CDHR1: variants seen among roughly 807,000 people sequenced by gnomAD.
The protein encoded by CDHR1 is cadherin related family member 1.
Under a neutral mutation model 72.1 loss-of-function variants are expected in CDHR1, and 61 were observed. That is an observed-to-expected ratio of 0.85 (90% confidence interval 0.69 to 1.05). The LOEUF (loss-of-function observed/expected upper bound fraction) is 1.05. CDHR1 is among the 50% of genes least tolerant of loss of function. CDHR1 has a pLI of 0.00. For missense variants in CDHR1, 1,186 were observed against 1,115.7 expected (o/e 1.06, Z -0.90); for synonymous variants, 470 against 448.1 (o/e 1.05, Z -0.62).
In CDHR1 at chr10:84,214,895, A is replaced by G; in HGVS notation, c.*274A>G. On this transcript the variant is annotated 3_prime_UTR_variant, in exon 17 of 17. Coordinates refer to ENST00000623527, the MANE Select transcript of CDHR1 (RefSeq NM_033100.4). ...TACTCAAATCCTTGGCACTACTACAATGCCCTCCATTCTTCAGGGCTGAGA... is the reference window on the plus strand; with the variant it reads ...TACTCAAATCCTTGGCACTACTACAGTGCCCTCCATTCTTCAGGGCTGAGA... The G allele has an allele frequency of 1.4e-6, 2 of 1,386,916 alleles. No homozygotes were observed. Among genetic ancestry groups the G allele is most frequent in the Non-Finnish European group, 1.9e-6 (2 of 1,070,358 alleles). 85.9% of individuals were successfully genotyped at this position (1,386,916 alleles called of 1,614,324 possible).
intron 12 of CDHR1, among the ~76,000 whole-genome samples, 191 bp from the exon 13 acceptor site, chr10:84,210,810 C>A (rs77285931): frequency 1.3e-5 from 2 of 152,130 alleles, no homozygotes; most frequent in Non-Finnish European, 2.9e-5. Context: ...GCATTACAAG[C>A]CAATTGACGG....
At chr10:84,208,099 T>A in intron 10 of CDHR1, 75 bp from the exon 11 acceptor site, 1 of 1,308,418 alleles carries the variant, frequency 7.6e-7, no homozygotes, top group Non-Finnish European at 1.1e-6. Context: ...TTATACATTC[T>A]GCAGGGGAGG....
chr10:84,199,172 C>T, intron 5 of CDHR1, 51 bp downstream of exon 5: 1 of 1,470,008 alleles, frequency 6.8e-7, no homozygotes, highest in South Asian at 1.2e-5. Flanking sequence ...GGCCCATAGC[C>T]TACCCCTGGG....
Position 84,215,020 on chromosome 10 carries a change from C to A in CDHR1, c.*399C>A. The A allele has an allele frequency of 3.5e-6, 4 of 1,127,592 alleles. No homozygotes were observed. The highest frequency in any genetic ancestry group is 4.4e-6 in the Non-Finnish European group (4 of 914,050). The allele number at this position is 1,127,592 out of a possible 1,614,324, so 69.8% of individuals were successfully genotyped here. ...TAGTCAAGCAGCAGGGCCCTGGCCACGTGGAGCAACACTGACTAGAATCTG... is the reference window on the plus strand; with the variant it reads ...TAGTCAAGCAGCAGGGCCCTGGCCAAGTGGAGCAACACTGACTAGAATCTG... On this transcript the variant is annotated 3_prime_UTR_variant, in exon 17 of 17. Transcript: ENST00000623527.
In CDHR1 at chr10:84,215,472, A is replaced by G; in HGVS notation, c.*851A>G. 1.0e-6 allele frequency: 1 copy of G among 983,740 alleles called. No individual in the cohort carries two copies. Among genetic ancestry groups the G allele is most frequent in the South Asian group, 4.7e-5 (1 of 21,246 alleles). The allele number at this position is 983,740 out of a possible 1,614,324, so 60.9% of individuals were successfully genotyped here. On this transcript the variant is annotated 3_prime_UTR_variant, in exon 17 of 17. Coordinates refer to ENST00000623527, the MANE Select transcript of CDHR1 (RefSeq NM_033100.4). ...AGACAATTCAGGGCAGTTGATGAAT[A>G]TCAGGGCTGAGATGTGGTGAGACTT...
chr10:84,215,355 T>C lies in CDHR1; in HGVS notation c.*734T>C. 1.0e-6 allele frequency: 1 copy of C among 985,760 alleles called. No homozygotes were observed. The highest frequency in any genetic ancestry group is 1.7e-5 in the African/African-American group (1 of 57,336). The allele number at this position is 985,760 out of a possible 1,614,324, so 61.1% of individuals were successfully genotyped here. ...CAGGACTGCCCTGAGCCGCAAAATG[T>C]CAAAGCTGGAGCTATAGAGGTAGCC... is the stretch of plus-strand genomic sequence containing the variant. On this transcript the variant is annotated 3_prime_UTR_variant, in exon 17 of 17. Transcript: ENST00000623527.
chr10:84,198,560 C>A (rs1334604140), intron 4 of CDHR1, among the ~76,000 whole-genome samples: 2 of 152,228 alleles, frequency 1.3e-5, no homozygotes, highest in Non-Finnish European at 2.9e-5. Context: ...TTCCTTCTGG[C>A]AAACTGCCTC....
At position 84,199,070 on chromosome 10, in the gene CDHR1, T is replaced by G; in HGVS notation, c.387T>G (p.Asn129Lys). The G allele has an allele frequency of 6.4e-7, 1 of 1,551,656 alleles. No individual in the cohort carries two copies. The highest frequency in any genetic ancestry group is 8.7e-7 in the Non-Finnish European group (1 of 1,147,012). Residue 129 changes from asparagine to lysine, a missense_variant, in exon 5 of 17, where the codon AAT becomes AAG. Transcript: ENST00000623527. The stretch of plus-strand genomic sequence containing the variant: ...TCGTGATCCTGGTGACCGATGCCAA[T>G]GATGAGGCGCCCAGGTTCATCCAGG... The part of the protein sequence containing the change: ...EKVVILVTDA[N>K]DEAPRFIQEP...
chr10:84,202,875 C>A, intron 7 of CDHR1, 105 bp from the exon 8 acceptor site: 1 of 1,241,686 alleles, frequency 8.1e-7, no homozygotes, highest in Non-Finnish European at 1.2e-6. Flanking sequence ...GAGAGGACAG[C>A]TGGCCTCACA....
chr10:84,204,567 G>T lies in CDHR1; in HGVS notation c.824G>T (p.Arg275Leu). The change falls in exon 9 of 17, where the codon CGG (arginine) becomes CTG (leucine). Residue 275 changes from arginine to leucine, a missense_variant. Physicochemically the swap from Arg to Leu is moderately radical, Grantham distance 102 (BLOSUM62 -2). Transcript: ENST00000623527. The stretch of plus-strand genomic sequence containing the variant: ...AAGGTGGTCGCCATGGATGGAGACC[G>T]GGGCAAACCCAATCGAATTCTCTAC... ...VLKVVAMDGDRGKPNRILYSL... is the reference protein window; with the variant it reads ...VLKVVAMDGDLGKPNRILYSL... 6.2e-7 allele frequency: 1 copy of T among 1,613,716 alleles called. No individual in the cohort carries two copies. The highest frequency in any genetic ancestry group is 2.2e-5 in the East Asian group (1 of 44,872).
Position 84,208,766 on chromosome 10 carries a change from C to T in CDHR1, c.1205C>T (p.Pro402Leu). The T allele has an allele frequency of 6.2e-7, 1 of 1,614,160 alleles. No individual in the cohort carries two copies. The change falls in exon 12 of 17, where the codon CCC (proline) becomes CTC (leucine). Residue 402 changes from proline to leucine, a missense_variant. Transcript: ENST00000623527. ...NAKFNLQLVGPRGIFRVVPQT... is the reference protein window; with the variant it reads ...NAKFNLQLVGLRGIFRVVPQT... Reference sequence around the variant, plus strand: ...AAATTCAACTTGCAGCTGGTGGGACCCAGGGGCATCTTCCGAGTGGTTCCA... The same window carrying T: ...AAATTCAACTTGCAGCTGGTGGGACTCAGGGGCATCTTCCGAGTGGTTCCA...
intron 6 of CDHR1, among the ~76,000 whole-genome samples, chr10:84,201,380 A>T (rs924003121): frequency 6.6e-6 from 1 of 152,050 alleles, no homozygotes; most frequent in Non-Finnish European, 1.5e-5. Context: ...GCTGCCTGGG[A>T]CTGGCCCGCA....
At chr10:84,212,059 G>T in intron 14 of CDHR1, 120 bp from the exon 15 acceptor site, 1 of 878,382 alleles carries the variant, frequency 1.1e-6, no homozygotes. Flanking sequence ...AGGACACTTT[G>T]GAGGAGCTGC....
At chr10:84,202,894 T>A (rs7073076) in intron 7 of CDHR1, 86 bp from the exon 8 acceptor site, 13 of 1,505,532 alleles carry the variant, frequency 8.6e-6, no homozygotes, top group Non-Finnish European at 1.2e-5. Flanking sequence ...CAGCCATAGG[T>A]GGCAGAAGCC....
chr10:84,217,961 G>C lies in CDHR1; in HGVS notation c.*3340G>C. ...ATCCTGCTAGAAAAGTGTGATCAGA[G>C]CTGGGAAGGAGCCACCATGCTCTGC... On this transcript the variant is annotated 3_prime_UTR_variant, in exon 17 of 17. Coordinates refer to ENST00000623527, the MANE Select transcript of CDHR1 (RefSeq NM_033100.4). 2 of 985,472 alleles carry C rather than the reference G, an allele frequency of 2.0e-6. No homozygotes were observed. The highest frequency in any genetic ancestry group is 2.4e-6 in the Non-Finnish European group (2 of 829,950). The allele number at this position is 985,472 out of a possible 1,614,324, so 61.0% of individuals were successfully genotyped here.
chr10:84,208,350 C>G lies in CDHR1; in HGVS notation c.1140C>G (p.Leu380=), dbSNP rs1351239916. 6 of 1,614,080 alleles carry G rather than the reference C, an allele frequency of 3.7e-6. No homozygotes were observed. The highest frequency in any genetic ancestry group is 5.1e-6 in the Non-Finnish European group (6 of 1,180,048). ...CCCAGGGAGAGATCCTGCGGGGCCT[C>G]AAGATCACCGTCAATGACTCCGACC... The part of the protein sequence containing the change: ...HPPQGEILRG[L]KITVNDSDQG... Residue 380 remains leucine (L), a synonymous_variant, in exon 11 of 17, where the codon CTC becomes CTG. Coordinates refer to ENST00000623527, the MANE Select transcript of CDHR1 (RefSeq NM_033100.4).
chr10:84,196,654 T>C lies in CDHR1; in HGVS notation c.297+4T>C. The C allele has an allele frequency of 6.2e-7, 1 of 1,614,146 alleles. No homozygotes were observed. Among genetic ancestry groups the C allele is most frequent in the South Asian group, 1.1e-5 (1 of 91,076 alleles). On this transcript the variant is annotated splice_donor_region_variant and intron_variant, in intron 3 of 16. Coordinates refer to ENST00000623527, the MANE Select transcript of CDHR1 (RefSeq NM_033100.4). ...GGTTGAAGAGCTGGACAGAGAGGTA[T>C]GGGGAGGTGTGGGGAGTGCTGCGGG... is the stretch of plus-strand genomic sequence containing the variant.
intron 10 of CDHR1, among the ~76,000 whole-genome samples, chr10:84,207,049 G>A (rs1181711713): frequency 1.3e-5 from 2 of 152,208 alleles, no homozygotes; most frequent in African/African-American, 2.4e-5. Context: ...AGTGAAGTAG[G>A]TGAGGAAGGA....
At chr10:84,209,423 T>C (rs1842288721) in intron 12 of CDHR1, among the ~76,000 whole-genome samples, 1 of 152,190 alleles carries the variant, frequency 6.6e-6, no homozygotes, top group Admixed American at 6.5e-5. Flanking sequence ...GCCTGCATCA[T>C]GCTTAAAAGT....
Sources: allele counts gnomAD v4.1 joint callset (sites outside exome capture counted in the v4.1 genomes callset), GRCh38; gene constraint gnomAD v4.1.1; transcripts MANE v1.5; gene names NCBI Gene and HGNC (gene_info 2026-07-23, HGNC 2026-07-21).